The following DACH2 variants were observed in gnomAD, a reference collection of about 807,000 sequenced individuals.
The protein encoded by DACH2 is dachshund family transcription factor 2.
In DACH2, 17 loss-of-function variants were observed where a neutral mutation model predicts 35.8. The ratio of observed to expected loss-of-function variants is 0.48; its 90% confidence interval spans 0.33 to 0.71. The LOEUF is 0.71. DACH2 is among the 30% of genes least tolerant of loss of function. DACH2 has a pLI of 0.02. For missense variants in DACH2, 469 were observed against 472.7 expected (o/e 0.99, Z 0.07); for synonymous variants, 195 against 177.3 (o/e 1.10, Z -0.79).
At chrX:86,281,445 C>G (rs183670966) in intron 1 of DACH2, among the ~76,000 whole-genome samples, 2 of 111,411 alleles carry the variant, frequency 1.8e-5, no homozygotes, top group Admixed American at 1.9e-4. Flanking sequence ...CAATAAAATT[C>G]AACACCCCGT....
chrX:86,654,030 G>A (rs1297231403), intron 4 of DACH2, among the ~76,000 whole-genome samples: 10 of 108,573 alleles, frequency 9.2e-5, no homozygotes, highest in Non-Finnish European at 1.7e-4. Flanking sequence ...TCTGTCCTCT[G>A]TTTCTGACTG....
At chrX:86,340,187 T>C (rs1373584272) in intron 1 of DACH2, among the ~76,000 whole-genome samples, 1 of 111,680 alleles carries the variant, frequency 9.0e-6, no homozygotes, top group East Asian at 2.8e-4. Flanking sequence ...TTAGTTGATA[T>C]TGTGTTTTTT....
intron 4 of DACH2, among the ~76,000 whole-genome samples, chrX:86,652,448 T>G (rs1192050716): frequency 1.8e-5 from 2 of 112,402 alleles, no homozygotes; most frequent in South Asian, 7.3e-4. Context: ...TTTATATTCC[T>G]TTGGGTGTAT....
intron 4 of DACH2, among the ~76,000 whole-genome samples, chrX:86,668,021 C>T (rs986982590): frequency 2.1e-4 from 24 of 111,910 alleles, no homozygotes; most frequent in African/African-American, 7.5e-4. Flanking sequence ...ATATTTCATC[C>T]ATATAGGGAT....
intron 3 of DACH2, among the ~76,000 whole-genome samples, chrX:86,528,413 GA>G (rs896918082): frequency 1.8e-5 from 2 of 110,665 alleles, no homozygotes; most frequent in Non-Finnish European, 3.8e-5. Context: ...AGGGCATTGT[GA>G]AAAAAAAGCA....
intron 7 of DACH2, among the ~76,000 whole-genome samples, chrX:86,783,611 C>A (rs756567532): frequency 8.9e-6 from 1 of 111,890 alleles, no homozygotes; most frequent in African/African-American, 3.2e-5. Flanking sequence ...TTGTCATTTG[C>A]AACAGCATGG....
intron 2 of DACH2, among the ~76,000 whole-genome samples, chrX:86,395,957 C>G (rs1224337725): frequency 9.0e-6 from 1 of 111,607 alleles, no homozygotes; most frequent in Non-Finnish European, 1.9e-5. Flanking sequence ...CCTGAGGAAT[C>G]ACCACACCGA....
At chrX:86,287,606 G>A (rs2034178813) in intron 1 of DACH2, among the ~76,000 whole-genome samples, 1 of 111,429 alleles carries the variant, frequency 9.0e-6, no homozygotes, top group Admixed American at 9.6e-5. Context: ...TTCTGACTGT[G>A]TATTTTTAAA....
At chrX:86,713,745 G>A (rs920243202) in intron 5 of DACH2, among the ~76,000 whole-genome samples, 5 of 111,306 alleles carry the variant, frequency 4.5e-5, no homozygotes, top group Non-Finnish European at 5.7e-5. Flanking sequence ...GCCTATTAAG[G>A]GATAAGTAGA....
intron 1 of DACH2, among the ~76,000 whole-genome samples, chrX:86,234,696 T>G (rs2147936400): frequency 9.2e-6 from 1 of 109,041 alleles, no homozygotes; most frequent in African/African-American, 3.3e-5. Context: ...TCACTGCAAC[T>G]TCTTCCTTCC....
rs1034416648 is a variant in DACH2, at chrX:86,735,137, G to C, written c.1105-4610G>C. 3.0e-4 allele frequency among the ~76,000 whole-genome samples: 33 copies of C among 111,773 alleles called. 1 individual carries two copies. The Admixed American group carries it at 3.2e-3, about 11-fold the overall frequency. On this transcript the variant is annotated intron_variant, in intron 6 of 11. Transcript: ENST00000373125. ...AATATCAGAGGAAATTCAACGTTGAGACAGTTGTTTTTAAAAGGCAATGGA... is the reference window on the plus strand; with the variant it reads ...AATATCAGAGGAAATTCAACGTTGACACAGTTGTTTTTAAAAGGCAATGGA...
intron 7 of DACH2, among the ~76,000 whole-genome samples, chrX:86,767,727 T>C (rs2041948789): frequency 1.8e-5 from 2 of 111,896 alleles, no homozygotes; most frequent in African/African-American, 6.5e-5. Context: ...GCTTCATTGG[T>C]GAATTCCATT....
At chrX:86,564,119 A>G (rs900857279) in intron 3 of DACH2, among the ~76,000 whole-genome samples, 4 of 110,767 alleles carry the variant, frequency 3.6e-5, no homozygotes, top group African/African-American at 1.3e-4. Context: ...TTCCTCAAAT[A>G]TGGTATAAAA....
intron 3 of DACH2, among the ~76,000 whole-genome samples, chrX:86,618,347 C>T (rs2040030735): frequency 8.9e-6 from 1 of 111,952 alleles, no homozygotes; most frequent in Non-Finnish European, 1.9e-5. Context: ...GCAAAATATA[C>T]TATAATATGT....
intron 4 of DACH2, among the ~76,000 whole-genome samples, chrX:86,673,106 C>G (rs192375737): frequency 1.3e-3 from 139 of 110,579 alleles, no homozygotes; most frequent in African/African-American, 4.1e-3. Flanking sequence ...GAGGCCGAGG[C>G]GGGTGGATCA....
chrX:86,487,260 T>A (rs754518980), intron 2 of DACH2, among the ~76,000 whole-genome samples: 1 of 111,907 alleles, frequency 8.9e-6, no homozygotes, highest in African/African-American at 3.2e-5. Context: ...GTAATCACCC[T>A]GGTTGTAGTC....
intron 1 of DACH2, among the ~76,000 whole-genome samples, chrX:86,198,182 T>C (rs768344584): frequency 4.5e-5 from 5 of 111,847 alleles, no homozygotes; most frequent in African/African-American, 1.3e-4. Context: ...AATAATGAAA[T>C]TAAGGCAGAA....
At position 86,200,635 on chromosome X, in the gene DACH2, C is replaced by CAAAAA. The variant is rs56012558; in HGVS notation, c.488+51540_488+51544dup. On this transcript the variant is annotated intron_variant, in intron 1 of 11. Coordinates refer to ENST00000373125, the MANE Select transcript of DACH2 (RefSeq NM_053281.3). ...AGTGGGTAAAGGACATGAACTTTTCCAAAAAAAAAAAAAAAAAGACATATA... is the reference window on the plus strand; with the variant it reads ...AGTGGGTAAAGGACATGAACTTTTCCAAAAAAAAAAAAAAAAAAAAAAGACATATA... 2.1e-4 allele frequency among the ~76,000 whole-genome samples: 10 copies of CAAAAA among 47,661 alleles called. 1 individual carries two copies. Among genetic ancestry groups the CAAAAA allele is most frequent in the East Asian group, 8.4e-4 (1 of 1,193 alleles). 41.4% of individuals were successfully genotyped at this position (47,661 alleles called of 115,157 possible). A position where few individuals can be genotyped will look rare whatever the true frequency, so the allele number is the denominator to read the frequency against.
intron 1 of DACH2, among the ~76,000 whole-genome samples, chrX:86,189,858 A>T (rs968856241): frequency 1.2e-4 from 13 of 110,524 alleles, no homozygotes; most frequent in African/African-American, 4.3e-4. Flanking sequence ...TCTTATAATA[A>T]TTTTTTTTAC....
Sources: gnomAD v4.1 joint callset for allele counts (sites outside exome capture counted in the v4.1 genomes callset) on GRCh38, gnomAD v4.1.1 for gene constraint, MANE v1.5 for transcripts, NCBI Gene and HGNC (gene_info 2026-07-23, HGNC 2026-07-21) for gene names.